DCAF5: variants seen among roughly 807,000 people sequenced by gnomAD.
DCAF5 encodes DDB1 and CUL4 associated factor 5, also known as DDB1- and CUL4-associated factor 5.
In DCAF5, 9 loss-of-function variants were observed where a neutral mutation model predicts 80.7. The ratio of observed to expected loss-of-function variants is 0.11; its 90% CI spans 0.07 to 0.19. The LOEUF is 0.19. Ranked by LOEUF, DCAF5 falls within the 10% of genes least tolerant of loss-of-function variation. The pLI is 1.00. For missense variants in DCAF5, 842 were observed against 1,205.7 expected, an observed-to-expected ratio of 0.70 and a Z score of 4.47; for synonymous variants, 433 against 461.9, an observed-to-expected ratio of 0.94 and a Z score of 0.80.
At chr14:69,099,687 A>G (rs2039881301) in intron 5 of DCAF5, among the ~76,000 whole-genome samples, 1 of 152,200 alleles carries the variant, frequency 6.6e-6, no homozygotes, top group Non-Finnish European at 1.5e-5. Context: ...TCATGCCTGT[A>G]ATCCCAACAC....
At chr14:69,131,960 T>C (rs1346391045) in intron 1 of DCAF5, among the ~76,000 whole-genome samples, 1 of 152,174 alleles carries the variant, frequency 6.6e-6, no homozygotes, top group Admixed American at 6.5e-5. Context: ...TGTTGTAGTG[T>C]GTGTCAATTT....
At chr14:69,098,494 G>C (rs928207336) in intron 5 of DCAF5, among the ~76,000 whole-genome samples, 10 of 151,574 alleles carry the variant, frequency 6.6e-5, no homozygotes, top group African/African-American at 2.4e-4. Context: ...ATCTTTTCTT[G>C]GTGTATCCCA....
intron 6 of DCAF5, among the ~76,000 whole-genome samples, chr14:69,088,221 A>G (rs1297028884): frequency 6.6e-6 from 1 of 152,158 alleles, no homozygotes; most frequent in African/African-American, 2.4e-5. Context: ...TCATTTGTAC[A>G]GTGAAAAGGG....
Position 69,054,926 on chromosome 14 carries a change from A to G in DCAF5, c.1760T>C (p.Met587Thr), listed in dbSNP as rs772326312. The G allele has an allele frequency of 4.5e-5, 72 of 1,614,046 alleles. No homozygotes were observed. The highest frequency in any genetic ancestry group is 5.8e-5 in the Non-Finnish European group (68 of 1,180,032). ...TCGGGTTGTCTTCTGTCGGCGCCGC[A>G]TGGCATTCCGCTGCCAGGTAGAGGC... The part of the protein sequence containing the change: ...RRASTWQRNA[M>T]RRRQKTTRED... The change falls in exon 9 of 9, where the codon ATG becomes ACG. Residue 587 changes from methionine to threonine, a missense_variant. By Grantham distance (81) the Met-to-Thr change is moderately conservative. Transcript: ENST00000341516.
intron 7 of DCAF5, among the ~76,000 whole-genome samples, chr14:69,073,025 GA>G (rs1180214294): frequency 6.6e-6 from 1 of 152,190 alleles, no homozygotes; most frequent in Admixed American, 6.5e-5. Context: ...TGTACTTTCT[GA>G]AACACTGCAT....
At chr14:69,070,683 C>T (rs2038651728) in intron 7 of DCAF5, among the ~76,000 whole-genome samples, 1 of 152,184 alleles carries the variant, frequency 6.6e-6, no homozygotes, top group Non-Finnish European at 1.5e-5. Context: ...AAAACAGATG[C>T]CCTTCCTACC....
chr14:69,066,785 C>T (rs1252504075), intron 7 of DCAF5, among the ~76,000 whole-genome samples: 3 of 152,218 alleles, frequency 2.0e-5, no homozygotes, highest in Non-Finnish European at 4.4e-5. Flanking sequence ...TCATAACATT[C>T]AGCCAGGGGT....
chr14:69,084,356 C>A (rs1481753141), intron 6 of DCAF5: 6 of 932,146 alleles, frequency 6.4e-6, no homozygotes, highest in Non-Finnish European at 1.1e-5. Context: ...GTATAAAAAT[C>A]TGCAGTGTCT....
chr14:69,051,134 C>G lies in DCAF5; in HGVS notation c.*2723G>C, dbSNP rs764517601. On this transcript the variant is annotated 3_prime_UTR_variant, in exon 9 of 9. Coordinates refer to ENST00000341516, the MANE Select transcript of DCAF5 (RefSeq NM_003861.3). Reference sequence around the variant, plus strand: ...TGTCCTAGAGAATCATTAACAAAACCAGCTGGAAAATAGAGAGAAATGATT... The same window carrying G: ...TGTCCTAGAGAATCATTAACAAAACGAGCTGGAAAATAGAGAGAAATGATT... 3 of 152,536 alleles carry G rather than the reference C, an allele frequency of 2.0e-5. No individual in the cohort carries two copies. Among genetic ancestry groups the G allele is most frequent in the Admixed American group, 1.3e-4 (2 of 15,278 alleles). The allele number at this position is 152,536 out of a possible 1,614,324, so 9.4% of individuals were successfully genotyped here. A position where few individuals can be genotyped will look rare whatever the true frequency, so the allele number is the denominator to read the frequency against.
At chr14:69,084,677 T>C (rs2039249783) in intron 6 of DCAF5, 19 of 1,244,040 alleles carry the variant, frequency 1.5e-5, no homozygotes, top group Non-Finnish European at 2.2e-5. Flanking sequence ...CTTCTTTTCA[T>C]CTTGTATGTC....
At chr14:69,127,181 A>T (rs910799439) in intron 1 of DCAF5, among the ~76,000 whole-genome samples, 2 of 152,246 alleles carry the variant, frequency 1.3e-5, no homozygotes, top group African/African-American at 4.8e-5. Flanking sequence ...AAAGACCTGT[A>T]CATGGATTTA....
At position 69,054,241 on chromosome 14, in the gene DCAF5, G is replaced by A. The variant is rs1055988572; in HGVS notation, c.2445C>T (p.Thr815=). Residue 815 remains threonine (T), a synonymous_variant, in exon 9 of 9, where the codon ACC becomes ACT. Coordinates refer to ENST00000341516, the MANE Select transcript of DCAF5 (RefSeq NM_003861.3). ...TCCTCTCCTCACTGTCATCAGACTG[G>A]GTCCTGGGACAGTTGCCAGACCCGC... The part of the protein sequence containing the change: ...LNSGSGNCPR[T]QSDDSEERSL... The A allele has an allele frequency of 6.2e-7, 1 of 1,614,238 alleles. No homozygotes were observed. Among genetic ancestry groups the A allele is most frequent in the Non-Finnish European group, 8.5e-7 (1 of 1,180,032 alleles).
At chr14:69,148,015 C>G (rs762796858) in intron 1 of DCAF5, among the ~76,000 whole-genome samples, 2 of 147,280 alleles carry the variant, frequency 1.4e-5, no homozygotes, top group Non-Finnish European at 3.0e-5. Context: ...TATAAAAAGG[C>G]GGAGTAACAA....
intron 5 of DCAF5, among the ~76,000 whole-genome samples, chr14:69,104,615 GGAGGCC>G: frequency 6.6e-6 from 1 of 152,192 alleles, no homozygotes; most frequent in South Asian, 2.1e-4. Context: ...CAGCACTTTG[GGAGGCC>G]GAGGTGGGTG....
intron 7 of DCAF5, among the ~76,000 whole-genome samples, chr14:69,072,478 C>T (rs2038728746): frequency 6.6e-6 from 1 of 151,780 alleles, no homozygotes; most frequent in Non-Finnish European, 1.5e-5. Flanking sequence ...CACAGTGATG[C>T]ACACCTGTAG....
rs148624294 is a variant in DCAF5 at position 69,107,739 on chromosome 14, G to A, written c.665+8627C>T. On this transcript the variant is annotated intron_variant, in intron 5 of 8. Transcript: ENST00000341516. ...CCTGAGATACAACATTTGGATTCAT[G>A]TCATTATACTCAGGGATTAGCAGGT... 3.9e-3 allele frequency among the ~76,000 whole-genome samples: 593 copies of A among 152,252 alleles called. 4 individuals carry two copies. The highest frequency in any genetic ancestry group is 0.014 in the African/African-American group (570 of 41,548).
At position 69,071,852 on chromosome 14, in the gene DCAF5, T is replaced by C. The variant is rs77775926; in HGVS notation, c.946+3493A>G. 1.1e-4 allele frequency among the ~76,000 whole-genome samples: 17 copies of C among 152,272 alleles called. No homozygotes were observed. In the East Asian group the frequency reaches 3.3e-3, roughly 29 times the overall value. Reference sequence around the variant, plus strand: ...TGCATTAATTGCCAACATTTAAAAATTGAGGTATTACATATAAAAATGAGA... The same window carrying C: ...TGCATTAATTGCCAACATTTAAAAACTGAGGTATTACATATAAAAATGAGA... On this transcript the variant is annotated intron_variant, in intron 7 of 8. Transcript: ENST00000341516.
rs2037819719 is a variant in DCAF5, at chr14:69,053,289, C to G, written c.*568G>C. The G allele has an allele frequency of 6.6e-6, 1 of 152,280 alleles. No individual in the cohort carries two copies. Among genetic ancestry groups the G allele is most frequent in the Admixed American group, 6.5e-5 (1 of 15,288 alleles). The allele number at this position is 152,280 out of a possible 1,614,324, so 9.4% of individuals were successfully genotyped here. On this transcript the variant is annotated 3_prime_UTR_variant, in exon 9 of 9. Transcript: ENST00000341516. Reference sequence around the variant, plus strand: ...ATGGAAGATTTCTTTAAGAAAGGAACCATGCTTTCCTCTCCAGCGCAGCCA... The same window carrying G: ...ATGGAAGATTTCTTTAAGAAAGGAAGCATGCTTTCCTCTCCAGCGCAGCCA...
intron 6 of DCAF5, among the ~76,000 whole-genome samples, chr14:69,082,241 T>C (rs999375544): frequency 6.6e-6 from 1 of 152,214 alleles, no homozygotes; most frequent in African/African-American, 2.4e-5. Flanking sequence ...TCTTTGGAAA[T>C]GGGCAAAGCC....
Sources: allele counts gnomAD v4.1 joint callset (sites outside exome capture counted in the v4.1 genomes callset), GRCh38; gene constraint gnomAD v4.1.1; transcripts MANE v1.5; gene names NCBI Gene and HGNC (gene_info 2026-07-23, HGNC 2026-07-21).